WWOX: variants seen among roughly 807,000 people sequenced by gnomAD.
WWOX encodes WW domain-containing oxidoreductase.
A neutral mutation model predicts 46.2 loss-of-function variants in WWOX; 69 were observed. That is an observed-to-expected ratio of 1.49 (90% CI 1.23 to 1.82). The LOEUF (loss-of-function observed/expected upper bound fraction) is 1.82, where lower values mean the gene tolerates loss of function less well. Ranked by LOEUF, WWOX falls within the 40% of genes most tolerant of loss-of-function variation. The pLI is 0.00. For missense variants in WWOX, 919 were observed against 542.6 expected (o/e 1.69, Z -6.89); for synonymous variants, 359 against 202.6 (o/e 1.77, Z -6.56).
chr16:78,297,228 A>G (rs187138371), intron 5 of WWOX, among the ~76,000 whole-genome samples: 2 of 152,160 alleles, frequency 1.3e-5, no homozygotes, highest in South Asian at 4.1e-4. Context: ...CGCACGGAGC[A>G]TGCAGCTGTG....
intron 8 of WWOX, among the ~76,000 whole-genome samples, chr16:79,130,634 C>T (rs1483126271): frequency 1.3e-5 from 2 of 152,154 alleles, no homozygotes; most frequent in African/African-American, 2.4e-5. Flanking sequence ...CTATGCTGAT[C>T]ACTTAGGAAG....
intron 8 of WWOX, among the ~76,000 whole-genome samples, chr16:78,791,896 C>G (rs565379612): frequency 4.6e-5 from 7 of 152,196 alleles, no homozygotes; most frequent in Admixed American, 4.6e-4. Context: ...ACAACAACAA[C>G]AACAACAAAC....
At chr16:78,192,932 C>A (rs1375754577) in intron 5 of WWOX, among the ~76,000 whole-genome samples, 1 of 152,150 alleles carries the variant, frequency 6.6e-6, no homozygotes, top group African/African-American at 2.4e-5. Flanking sequence ...ACAAACAATC[C>A]CAGACTCTCA....
rs943259932 is a variant in WWOX, at chr16:79,191,452, C to T, written c.1057-20156C>T. On this transcript the variant is annotated intron_variant, in intron 8 of 8. Coordinates refer to ENST00000566780, the MANE Select transcript of WWOX (RefSeq NM_016373.4). Reference sequence around the variant, plus strand: ...ATCTAACACCTTTATCTTTGCATTTCCATACATTTTGCTTATTTCAAAGTA... The same window carrying T: ...ATCTAACACCTTTATCTTTGCATTTTCATACATTTTGCTTATTTCAAAGTA... 2.0e-5 allele frequency among the ~76,000 whole-genome samples: 3 copies of T among 152,006 alleles called. No homozygotes were observed. In the East Asian group the frequency reaches 5.8e-4, roughly 29 times the overall value.
At chr16:79,056,685 C>G (rs2048268681) in intron 8 of WWOX, among the ~76,000 whole-genome samples, 1 of 152,178 alleles carries the variant, frequency 6.6e-6, no homozygotes, top group Admixed American at 6.5e-5. Flanking sequence ...TGCCAATCCC[C>G]CTCCATTAAG....
chr16:78,956,589 A>G (rs939463449), intron 8 of WWOX, among the ~76,000 whole-genome samples: 3 of 151,966 alleles, frequency 2.0e-5, no homozygotes, highest in Admixed American at 6.6e-5. Context: ...TCTATCATAC[A>G]TCATATATTG....
At chr16:79,005,352 A>G (rs1437916604) in intron 8 of WWOX, among the ~76,000 whole-genome samples, 11 of 152,308 alleles carry the variant, frequency 7.2e-5, no homozygotes, top group South Asian at 6.2e-4. Flanking sequence ...AAGCACAGTC[A>G]CAGAAATGAG....
At chr16:78,869,362 G>A (rs1597084734) in intron 8 of WWOX, among the ~76,000 whole-genome samples, 1 of 152,266 alleles carries the variant, frequency 6.6e-6, no homozygotes, top group Non-Finnish European at 1.5e-5. Context: ...CATCCAGACT[G>A]CAACCTGTTT....
chr16:78,924,930 C>A (rs1268209307), intron 8 of WWOX, among the ~76,000 whole-genome samples: 4 of 152,258 alleles, frequency 2.6e-5, no homozygotes, highest in Admixed American at 2.6e-4. Flanking sequence ...CCTGGAGGTT[C>A]ATGCTTGTAA....
At chr16:78,968,474 G>A (rs12444623) in intron 8 of WWOX, among the ~76,000 whole-genome samples, 151,367 of 152,352 alleles carry the variant, frequency 0.99, 75,198 homozygotes, top group Middle Eastern at 1. Context: ...TGAGATGGCA[G>A]TCTTCATCGT....
At chr16:78,714,649 G>C (rs1159788196) in intron 8 of WWOX, among the ~76,000 whole-genome samples, 1 of 152,186 alleles carries the variant, frequency 6.6e-6, no homozygotes, top group African/African-American at 2.4e-5. Context: ...CCAGGCGGAG[G>C]AAACGGTAAA....
intron 8 of WWOX, among the ~76,000 whole-genome samples, chr16:79,137,359 T>G (rs2150708421): frequency 6.6e-6 from 1 of 152,354 alleles, no homozygotes; most frequent in East Asian, 1.9e-4. Context: ...GTGTTAGCCT[T>G]AAGTTAACAC....
intron 8 of WWOX, among the ~76,000 whole-genome samples, chr16:79,155,266 CT>C (rs2050358900): frequency 1.3e-5 from 2 of 151,970 alleles, no homozygotes; most frequent in Non-Finnish European, 2.9e-5. Flanking sequence ...GTTCCAGCTA[CT>C]CGGGAGGCCG....
At chr16:78,907,993 A>T (rs952622672) in intron 8 of WWOX, among the ~76,000 whole-genome samples, 3 of 152,154 alleles carry the variant, frequency 2.0e-5, no homozygotes, top group Admixed American at 6.5e-5. Flanking sequence ...TTGGGAAGGA[A>T]TTTCGAGTTT....
chr16:78,223,967 G>C (rs530603335), intron 5 of WWOX, among the ~76,000 whole-genome samples: 4 of 152,290 alleles, frequency 2.6e-5, no homozygotes, highest in African/African-American at 4.8e-5. Context: ...TGATTTGTCA[G>C]TAGAAAGGAA....
intron 8 of WWOX, among the ~76,000 whole-genome samples, chr16:78,445,996 T>A (rs1387461150): frequency 6.6e-6 from 1 of 152,206 alleles, no homozygotes; most frequent in Non-Finnish European, 1.5e-5. Context: ...GCTGAAATAG[T>A]CAAATGCGTA....
chr16:78,461,961 G>T (rs975307626), intron 8 of WWOX, among the ~76,000 whole-genome samples: 2 of 152,176 alleles, frequency 1.3e-5, no homozygotes, highest in Non-Finnish European at 2.9e-5. Context: ...TATCCCAATG[G>T]AAGGACCCTC....
intron 8 of WWOX, among the ~76,000 whole-genome samples, chr16:78,774,874 T>G (rs1014007106): frequency 6.6e-6 from 1 of 152,198 alleles, no homozygotes; most frequent in Non-Finnish European, 1.5e-5. Context: ...GAGCAGATGT[T>G]TACCGCAGAG....
Position 78,329,299 on chromosome 16 carries a change from C to T in WWOX, c.517-57561C>T, listed in dbSNP as rs72792375. The stretch of plus-strand genomic sequence containing the variant: ...TGGCTACTTTTGTCCAGCCAGTTCT[C>T]CTCTGTGGGCATTTGGGGAAGGGCT... On this transcript the variant is annotated intron_variant, in intron 5 of 8. Coordinates refer to ENST00000566780, the MANE Select transcript of WWOX (RefSeq NM_016373.4). 3.5e-3 allele frequency among the ~76,000 whole-genome samples: 526 copies of T among 152,258 alleles called. 3 individuals are homozygous for T. Among genetic ancestry groups the T allele is most frequent in the Non-Finnish European group, 5.6e-3 (383 of 68,018 alleles).
Sources: allele counts gnomAD v4.1 joint callset (sites outside exome capture counted in the v4.1 genomes callset), GRCh38; gene constraint gnomAD v4.1.1; transcripts MANE v1.5; gene names NCBI Gene and HGNC (gene_info 2026-07-23, HGNC 2026-07-21).